The following TANC1 variants were observed in gnomAD, a reference collection of about 807,000 sequenced individuals.
TANC1 encodes the protein protein TANC1.
In TANC1, 77 loss-of-function variants were observed where a neutral mutation model predicts 149.7. That is an observed-to-expected ratio of 0.51 (90% CI 0.43 to 0.62). The LOEUF (loss-of-function observed/expected upper bound fraction) is 0.62, where lower values mean the gene tolerates loss of function less well. Among genes scored for constraint, TANC1 ranks in the 20% least tolerant of loss-of-function variants. TANC1 has a pLI of 0.00. For synonymous variants in TANC1, 854 were observed against 925.0 expected (o/e 0.92, Z 1.39); for missense variants, 1,985 against 2,321.8 (o/e 0.85, Z 2.98).
At chr2:159,075,581 CA>C (rs1371007094) in intron 3 of TANC1, among the ~76,000 whole-genome samples, 1 of 150,776 alleles carries the variant, frequency 6.6e-6, no homozygotes, top group Non-Finnish European at 1.5e-5. Flanking sequence ...CTTGTCTCCA[CA>C]AAAAAAAGAA....
intron 4 of TANC1, among the ~76,000 whole-genome samples, chr2:159,101,678 T>C (rs760735609): frequency 1.3e-5 from 2 of 152,242 alleles, no homozygotes; most frequent in Non-Finnish European, 2.9e-5. Context: ...TTCATCAATA[T>C]TTGTAATGTG....
At chr2:159,116,341 C>T (rs66941599) in intron 4 of TANC1, among the ~76,000 whole-genome samples, 36,080 of 151,726 alleles carry the variant, frequency 0.24, 5,666 homozygotes, top group Non-Finnish European at 0.36. Context: ...GCAGGAGAAT[C>T]GCTTGAACCC....
chr2:159,094,786 G>A (rs1053677102), intron 3 of TANC1, among the ~76,000 whole-genome samples: 1 of 130,996 alleles, frequency 7.6e-6, no homozygotes, highest in African/African-American at 3.0e-5. Context: ...GGGGGGGGGT[G>A]GGGGCCAGCC....
At chr2:159,194,601 T>C (rs2057712952) in intron 17 of TANC1, 108 bp downstream of exon 17, 1 of 1,004,670 alleles carries the variant, frequency 1.0e-6, no homozygotes, top group Non-Finnish European at 1.5e-6. Flanking sequence ...AACCACAGCA[T>C]ACACAGAAAG....
intron 19 of TANC1, among the ~76,000 whole-genome samples, chr2:159,201,982 A>G (rs1337976635): frequency 6.6e-6 from 1 of 152,234 alleles, no homozygotes; most frequent in African/African-American, 2.4e-5. Context: ...CCAGTGGCGC[A>G]GGAGCTTAAA....
At chr2:159,042,475 T>C (rs762750525) in intron 2 of TANC1, among the ~76,000 whole-genome samples, 4 of 152,064 alleles carry the variant, frequency 2.6e-5, no homozygotes, top group Non-Finnish European at 5.9e-5. Context: ...AATCTTTCAA[T>C]GAGCAAGCGT....
intron 2 of TANC1, among the ~76,000 whole-genome samples, chr2:159,016,574 A>ATTT (rs199579067): frequency 2.0e-5 from 3 of 147,482 alleles, no homozygotes; most frequent in Non-Finnish European, 3.0e-5. Context: ...CTTGGTCAAA[A>ATTT]TTTTTTGTTT....
intron 1 of TANC1, among the ~76,000 whole-genome samples, chr2:158,989,410 A>T (rs938822937): frequency 6.6e-6 from 1 of 151,720 alleles, no homozygotes; most frequent in Non-Finnish European, 1.5e-5. Flanking sequence ...GTTTGAGAGC[A>T]GCCTGGCAAC....
Position 159,217,619 on chromosome 2 carries a change from G to C in TANC1, c.3367G>C (p.Gly1123Arg), listed in dbSNP as rs778544975. Residue 1123 changes from glycine to arginine, a missense_variant, in exon 20 of 27, where the codon GGG becomes CGG. This residue lies in a region of TANC1 where 920 missense variants were observed against 994.7 expected (regional missense o/e 0.92). Transcript: ENST00000263635. ...ACCTTTGTTTTGTGCAGCACGCCAG[G>C]GGCATTGGCAGGTACCCAGGGGGCC... The part of the protein sequence containing the change: ...VPPLFCAARQ[G>R]HWQIVRLLLE... The C allele has an allele frequency of 6.2e-7, 1 of 1,614,106 alleles. No homozygotes were observed. The highest frequency in any genetic ancestry group is 2.2e-5 in the East Asian group (1 of 44,880).
At chr2:159,128,273 A>G (rs144544574) in intron 4 of TANC1, among the ~76,000 whole-genome samples, 1 of 152,310 alleles carries the variant, frequency 6.6e-6, no homozygotes, top group African/African-American at 2.4e-5. Flanking sequence ...ATGCTTCTGG[A>G]AGTACCCAGA....
intron 4 of TANC1, among the ~76,000 whole-genome samples, chr2:159,122,343 A>T (rs2048930894): frequency 1.3e-5 from 2 of 152,170 alleles, no homozygotes; most frequent in South Asian, 4.1e-4. Flanking sequence ...TGGGTCAGAG[A>T]TGTTTACCCA....
intron 2 of TANC1, among the ~76,000 whole-genome samples, chr2:159,041,073 C>T (rs1226465000): frequency 6.6e-6 from 1 of 152,140 alleles, no homozygotes; most frequent in African/African-American, 2.4e-5. Context: ...ACCCTGTTTG[C>T]CTGGGTATCA....
chr2:159,190,494 C>G (rs1215847125), intron 16 of TANC1, among the ~76,000 whole-genome samples: 1 of 152,058 alleles, frequency 6.6e-6, no homozygotes, highest in African/African-American at 2.4e-5. Flanking sequence ...CTGATTCTGT[C>G]CACGCTGTTA....
At chr2:159,109,820 T>C (rs1167125458) in intron 4 of TANC1, among the ~76,000 whole-genome samples, 1 of 152,182 alleles carries the variant, frequency 6.6e-6, no homozygotes, top group African/African-American at 2.4e-5. Context: ...CAACCTTATT[T>C]TACTTAACTG....
At chr2:159,212,852 G>A (rs755014613) in intron 19 of TANC1, among the ~76,000 whole-genome samples, 14 of 151,750 alleles carry the variant, frequency 9.2e-5, no homozygotes, top group Admixed American at 7.2e-4. Context: ...CCCAAGAGGC[G>A]GAGGTTGCAG....
rs772843209 is a variant in TANC1 at position 159,136,324 on chromosome 2, C to T, written c.364+26C>T. 5 of 1,293,744 alleles carry T rather than the reference C, an allele frequency of 3.9e-6. No individual in the cohort carries two copies. The East Asian group carries it at 9.2e-5, about 24-fold the overall frequency. 80.1% of individuals were successfully genotyped at this position (1,293,744 alleles called of 1,614,324 possible). On this transcript the variant is annotated intron_variant, in intron 5 of 26. Coordinates refer to ENST00000263635, the MANE Select transcript of TANC1 (RefSeq NM_033394.3). ...GTAAGAATTTCAGTGATTTCCTTCC[C>T]CCTCTACCAAAGATTTTATACAATG...
intron 1 of TANC1, among the ~76,000 whole-genome samples, chr2:158,971,577 G>GC (rs908316163): frequency 6.6e-6 from 1 of 152,104 alleles, no homozygotes; most frequent in South Asian, 2.1e-4. Context: ...ACCTCTCCCT[G>GC]CCCCCTTTCT....
chr2:159,158,640 A>G (rs770655608), intron 7 of TANC1, among the ~76,000 whole-genome samples: 29 of 152,208 alleles, frequency 1.9e-4, no homozygotes, highest in Non-Finnish European at 3.4e-4. Context: ...TGAAGGTATG[A>G]GTTGGGGAAA....
chr2:159,047,160 A>G lies in TANC1; in HGVS notation c.-15-18736A>G, dbSNP rs1346452615. Among the ~76,000 whole-genome samples, 3 of 151,178 alleles carry G rather than the reference A, an allele frequency of 2.0e-5. No homozygotes were observed. In the East Asian group the frequency reaches 5.9e-4, roughly 30 times the overall value. ...GCTTGGATGACTCATAGGTACTTTT[A>G]AATCAGGATATCCAAACTGAACTCA... is the stretch of plus-strand genomic sequence containing the variant. On this transcript the variant is annotated intron_variant, in intron 2 of 26. Coordinates refer to ENST00000263635, the MANE Select transcript of TANC1 (RefSeq NM_033394.3).
Sources: gnomAD v4.1 joint callset for allele counts (sites outside exome capture counted in the v4.1 genomes callset) on GRCh38, gnomAD v4.1.1 for gene constraint, gnomAD v4.1.1 regional missense constraint, MANE v1.5 for transcripts, NCBI Gene and HGNC (gene_info 2026-07-23, HGNC 2026-07-21) for gene names.